CACNA1C: variants seen among roughly 807,000 people sequenced by gnomAD.
CACNA1C encodes the protein calcium voltage-gated channel subunit alpha1 C, also known as voltage-dependent L-type calcium channel subunit alpha-1C.
Under a neutral mutation model 229.0 loss-of-function variants are expected in CACNA1C, and 30 were observed. The observed-to-expected ratio is 0.13, with a 90% CI of 0.10 to 0.18. The LOEUF (loss-of-function observed/expected upper bound fraction) is 0.18. Ranked by LOEUF, CACNA1C falls within the 10% of genes least tolerant of loss-of-function variation. CACNA1C has a pLI of 1.00. For missense variants in CACNA1C, 1,658 were observed against 2,845.0 expected (o/e 0.58, Z 9.49); for synonymous variants, 1,114 against 1,132.5 (o/e 0.98, Z 0.33).
At chr12:2,236,903 C>T (rs556429488) in intron 3 of CACNA1C, among the ~76,000 whole-genome samples, 3 of 152,332 alleles carry the variant, frequency 2.0e-5, no homozygotes, top group Admixed American at 6.5e-5. Flanking sequence ...CTCAAAATCT[C>T]CTCCCCTCCC....
intron 30 of CACNA1C, among the ~76,000 whole-genome samples, chr12:2,634,794 C>T (rs759330594): frequency 1.4e-4 from 21 of 152,090 alleles, no homozygotes; most frequent in Non-Finnish European, 2.4e-4. Context: ...CCACTGCCTT[C>T]CCTACTCTCT....
chr12:2,157,794 A>G (rs561180927), intron 3 of CACNA1C, among the ~76,000 whole-genome samples: 1 of 152,366 alleles, frequency 6.6e-6, no homozygotes, highest in East Asian at 1.9e-4. Flanking sequence ...GCTAACAAGC[A>G]AAGGATGCCT....
chr12:2,420,081 G>A (rs1315026925), intron 3 of CACNA1C, among the ~76,000 whole-genome samples: 1 of 149,476 alleles, frequency 6.7e-6, no homozygotes, highest in African/African-American at 2.5e-5. Flanking sequence ...GCCAGACAGG[G>A]TAATCAGACT....
intron 1 of CACNA1C, among the ~76,000 whole-genome samples, chr12:1,981,899 AAG>A (rs2036249486): frequency 1.3e-5 from 2 of 152,204 alleles, no homozygotes; most frequent in South Asian, 4.1e-4. Flanking sequence ...GCATGCAGGT[AAG>A]AGTGTTCTGG....
At chr12:2,079,543 C>T (rs61907753) in intron 1 of CACNA1C, among the ~76,000 whole-genome samples, 73,126 of 151,914 alleles carry the variant, frequency 0.48, 18,848 homozygotes, top group Middle Eastern at 0.62. Context: ...GCACGAATCC[C>T]ACTCATGAGG....
At chr12:2,248,000 T>A (rs1168651963) in intron 3 of CACNA1C, among the ~76,000 whole-genome samples, 1 of 152,238 alleles carries the variant, frequency 6.6e-6, no homozygotes, top group African/African-American at 2.4e-5. Context: ...TTTCTAAAAT[T>A]GAGCTGAATC....
chr12:2,342,132 G>A (rs748426002), intron 3 of CACNA1C, among the ~76,000 whole-genome samples: 3 of 152,146 alleles, frequency 2.0e-5, no homozygotes, highest in Non-Finnish European at 4.4e-5. Flanking sequence ...ACCCTCCTTA[G>A]GCATGTCTTC....
intron 5 of CACNA1C, among the ~76,000 whole-genome samples, chr12:2,482,612 C>G (rs534861359): frequency 1.3e-5 from 2 of 152,348 alleles, no homozygotes; most frequent in East Asian, 3.9e-4. Flanking sequence ...GTTGGAGGGC[C>G]TTTGGTGTTC....
chr12:2,534,507 A>T (rs915340519), intron 9 of CACNA1C, among the ~76,000 whole-genome samples: 14 of 152,182 alleles, frequency 9.2e-5, no homozygotes, highest in Non-Finnish European at 1.2e-4. Context: ...TAACTGTTTC[A>T]TCCAATCAAC....
chr12:2,516,564 G>T (rs2154580117), intron 9 of CACNA1C, among the ~76,000 whole-genome samples: 1 of 152,300 alleles, frequency 6.6e-6, no homozygotes, highest in South Asian at 2.1e-4. Context: ...CCATGGAAGT[G>T]ATAAGGTCAG....
chr12:2,606,588 A>G, intron 24 of CACNA1C, 23 bp from the exon 25 acceptor site: 4 of 1,588,082 alleles, frequency 2.5e-6, no homozygotes, highest in Non-Finnish European at 3.4e-6. Context: ...AACATCTCTG[A>G]TACTCTGTTC....
chr12:2,331,098 C>CT (rs2096532912), intron 3 of CACNA1C, among the ~76,000 whole-genome samples: 1 of 152,124 alleles, frequency 6.6e-6, no homozygotes, highest in Admixed American at 6.5e-5. Context: ...TGCGAAGACT[C>CT]TGATAGACAG....
rs966278319 is a variant in CACNA1C at position 2,152,716 on chromosome 12, T to C, written c.477+32286T>C. Among the ~76,000 whole-genome samples, 1 of 152,206 alleles carries C rather than the reference T, an allele frequency of 6.6e-6. No homozygotes were observed. The highest frequency in any genetic ancestry group is 2.4e-5 in the African/African-American group (1 of 41,458). Reference sequence around the variant, plus strand: ...TAAGAAATAAAAATAAAACAACAGATAGCACTTGGATAAGTTGGCCAAGTT... The same window carrying C: ...TAAGAAATAAAAATAAAACAACAGACAGCACTTGGATAAGTTGGCCAAGTT... On this transcript the variant is annotated intron_variant, in intron 3 of 46. Coordinates refer to ENST00000399655, the MANE Select transcript of CACNA1C (RefSeq NM_000719.7). The surrounding 1 kb of genome is among the most constrained non-coding windows in gnomAD (Gnocchi z 4.2).
intron 13 of CACNA1C, among the ~76,000 whole-genome samples, chr12:2,572,439 G>GTTCCTCCTC (rs1568497956): frequency 7.2e-4 from 3 of 4,160 alleles, no homozygotes; most frequent in African/African-American, 1.2e-3. Flanking sequence ...TCCTCTTCCT[G>GTTCCTCCTC]CTCCTTCTCC....
rs556201204 is a variant in CACNA1C at position 2,294,848 on chromosome 12, G to A, written c.478-154128G>A. Among the ~76,000 whole-genome samples, 29 of 152,258 alleles carry A rather than the reference G, an allele frequency of 1.9e-4. No homozygotes were observed. The South Asian group carries it at 5.8e-3, about 31-fold the overall frequency. On this transcript the variant is annotated intron_variant, in intron 3 of 46. Coordinates refer to ENST00000399655, the MANE Select transcript of CACNA1C (RefSeq NM_000719.7). ...CAAGCAAGAGAGTTGGCAGTAGGTGGGGCAGGGTGGTCTCCGTCTGTGTGC... is the reference window on the plus strand; with the variant it reads ...CAAGCAAGAGAGTTGGCAGTAGGTGAGGCAGGGTGGTCTCCGTCTGTGTGC...
intron 1 of CACNA1C, chr12:2,004,128 C>A (rs775543886): frequency 2.7e-6 from 3 of 1,093,098 alleles, no homozygotes; most frequent in Non-Finnish European, 3.9e-6. Flanking sequence ...CCCCCGAGAC[C>A]CCATCTCCAC....
rs573715090 is a variant in CACNA1C at position 2,102,405 on chromosome 12, C to T, written c.50-12819C>T. 1.1e-4 allele frequency among the ~76,000 whole-genome samples: 16 copies of T among 152,184 alleles called. No homozygotes were observed. The East Asian group carries it at 1.5e-3, about 15-fold the overall frequency. ...GTATTAGACTTTAACTCATCTCAGGCGTTCAGCAGCTGAAGGAAAGGGGAG... is the reference window on the plus strand; with the variant it reads ...GTATTAGACTTTAACTCATCTCAGGTGTTCAGCAGCTGAAGGAAAGGGGAG... On this transcript the variant is annotated intron_variant, in intron 1 of 46. Transcript: ENST00000399655.
intron 3 of CACNA1C, among the ~76,000 whole-genome samples, chr12:2,277,410 CACACACACACACACACA>C (rs2089185642): frequency 1.4e-5 from 2 of 138,456 alleles, no homozygotes; most frequent in Non-Finnish European, 3.2e-5. Context: ...CACACACACA[CACACACACACACACACA>C]CTGAGGGCTG....
intron 3 of CACNA1C, among the ~76,000 whole-genome samples, chr12:2,312,063 T>C (rs1255536288): frequency 6.6e-6 from 1 of 152,182 alleles, no homozygotes; most frequent in Non-Finnish European, 1.5e-5. Context: ...TCTGGCTTCC[T>C]GGGAACAGGC....
Sources: gnomAD v4.1 joint callset for allele counts (sites outside exome capture counted in the v4.1 genomes callset) on GRCh38, gnomAD v4.1.1 for gene constraint, Gnocchi (gnomAD v3.1) non-coding constraint, MANE v1.5 for transcripts, NCBI Gene and HGNC (gene_info 2026-07-23, HGNC 2026-07-21) for gene names.